RFC3: variants seen among roughly 807,000 people sequenced by gnomAD.
RFC3 encodes the protein A1 38 kDa subunit.
A neutral mutation model predicts 45.1 loss-of-function variants in RFC3; 41 were observed. The ratio of observed to expected loss-of-function variants is 0.91; its 90% confidence interval spans 0.71 to 1.18. The LOEUF is 1.18. RFC3 is among the 50% of genes most tolerant of loss of function. The probability of loss-of-function intolerance (pLI) is 0.00; values close to 1 mark genes in which losing one functional copy is unlikely to be tolerated. For synonymous variants in RFC3, 149 were observed against 144.0 expected (o/e 1.03, Z -0.25); for missense variants, 423 against 428.1 (o/e 0.99, Z 0.10).
intron 8 of RFC3, among the ~76,000 whole-genome samples, chr13:33,909,514 C>T (rs1371938977): frequency 2.0e-5 from 3 of 151,990 alleles, no homozygotes; most frequent in African/African-American, 7.2e-5. Context: ...TTTCTCACTC[C>T]TTGTCTTATT....
intron 8 of RFC3, chr13:33,849,661 GAGGTAA>G (rs2082263502): frequency 6.6e-6 from 1 of 152,136 alleles, no homozygotes; most frequent in Non-Finnish European, 1.5e-5. Flanking sequence ...CAGATCAGTT[GAGGTAA>G]GGAGTTTGAG....
downstream of RFC3, among the ~76,000 whole-genome samples, chr13:33,971,237 G>A (rs1380906820): frequency 1.3e-5 from 2 of 152,110 alleles, no homozygotes; most frequent in East Asian, 3.8e-4. Context: ...TTCAGAATTG[G>A]AACCATTATC....
At chr13:33,913,035 A>T (rs1446687292) in intron 8 of RFC3, among the ~76,000 whole-genome samples, 1 of 152,120 alleles carries the variant, frequency 6.6e-6, no homozygotes, top group Non-Finnish European at 1.5e-5. Context: ...GCCTGAGGAT[A>T]TAAAGAGGAT....
intron 8 of RFC3, among the ~76,000 whole-genome samples, chr13:33,932,860 A>G (rs1305883617): frequency 6.6e-6 from 1 of 152,188 alleles, no homozygotes; most frequent in Admixed American, 6.5e-5. Flanking sequence ...TTGTGACAAC[A>G]ACGACTGGCT....
At chr13:33,941,701 A>G (rs2082925138) in intron 8 of RFC3, among the ~76,000 whole-genome samples, 1 of 151,652 alleles carries the variant, frequency 6.6e-6, no homozygotes, top group Non-Finnish European at 1.5e-5. Flanking sequence ...AACAGTTTGC[A>G]ATTATGTGAC....
chr13:33,959,984 G>A (rs1341518669), intron 8 of RFC3, among the ~76,000 whole-genome samples: 1 of 152,108 alleles, frequency 6.6e-6, no homozygotes, highest in Admixed American at 6.5e-5. Flanking sequence ...AGTGAAAGCA[G>A]GAGCAAGAGA....
intron 8 of RFC3, among the ~76,000 whole-genome samples, chr13:33,896,815 C>A (rs1471843775): frequency 6.8e-6 from 1 of 147,650 alleles, no homozygotes; most frequent in Non-Finnish European, 1.5e-5. Flanking sequence ...ACTATATAGG[C>A]CAACAGGGAG....
At chr13:33,894,895 A>G (rs545081554) in intron 8 of RFC3, among the ~76,000 whole-genome samples, 20 of 152,316 alleles carry the variant, frequency 1.3e-4, no homozygotes, top group African/African-American at 4.6e-4. Flanking sequence ...TTAAAAAAAC[A>G]TAAATGGGGG....
At chr13:33,835,502 G>A in intron 8 of RFC3, 1 of 592,230 alleles carries the variant, frequency 1.7e-6, no homozygotes, top group East Asian at 3.8e-5. Context: ...GAAATACCAA[G>A]GTGCAGGGAT....
At chr13:33,819,591 C>T (rs1339769378) in intron 1 of RFC3, among the ~76,000 whole-genome samples, 1 of 152,048 alleles carries the variant, frequency 6.6e-6, no homozygotes, top group Non-Finnish European at 1.5e-5. Flanking sequence ...ATTGATACTG[C>T]ATGTATACTA....
intron 8 of RFC3, among the ~76,000 whole-genome samples, chr13:33,921,485 T>G (rs2082768783): frequency 6.6e-6 from 1 of 152,164 alleles, no homozygotes; most frequent in Non-Finnish European, 1.5e-5. Flanking sequence ...GCCTACACGT[T>G]CCTAGGGAAG....
At chr13:33,975,421 A>AT in the RFC3 span, among the ~76,000 whole-genome samples, 1 of 152,178 alleles carries the variant, frequency 6.6e-6, no homozygotes, top group Non-Finnish European at 1.5e-5. Flanking sequence ...AGCATAAAGA[A>AT]TTTTTTTAGA....
At chr13:33,963,265 A>G (rs2083068535) in intron 8 of RFC3, among the ~76,000 whole-genome samples, 1 of 152,190 alleles carries the variant, frequency 6.6e-6, no homozygotes, top group African/African-American at 2.4e-5. Flanking sequence ...TAGAGACAAG[A>G]TAAAAAGATC....
At chr13:33,820,970 A>G (rs1271384087) in intron 1 of RFC3, among the ~76,000 whole-genome samples, 162 bp from the exon 2 acceptor site, 1 of 150,404 alleles carries the variant, frequency 6.6e-6, no homozygotes, top group African/African-American at 2.4e-5. Flanking sequence ...CTACCCATGA[A>G]ACTCCAAGTT....
intron 8 of RFC3, among the ~76,000 whole-genome samples, chr13:33,907,942 C>A (rs1171835847): frequency 6.6e-6 from 1 of 150,866 alleles, no homozygotes; most frequent in East Asian, 1.9e-4. Flanking sequence ...AAAATTCTTT[C>A]TTTTTTTTTC....
intron 8 of RFC3, among the ~76,000 whole-genome samples, chr13:33,948,117 C>T (rs369120382): frequency 4.6e-5 from 7 of 152,286 alleles, no homozygotes; most frequent in African/African-American, 1.4e-4. Context: ...CATCACAGAC[C>T]GAGACCTAAG....
intron 2 of RFC3, 21 bp downstream of exon 2, chr13:33,821,290 C>T: frequency 3.7e-6 from 6 of 1,610,186 alleles, no homozygotes; most frequent in Non-Finnish European, 5.1e-6. Flanking sequence ...CACTTTGAGG[C>T]CCTGAAAGTA....
At chr13:33,823,674 T>C (rs2082023755) in intron 2 of RFC3, among the ~76,000 whole-genome samples, 3 of 152,120 alleles carry the variant, frequency 2.0e-5, no homozygotes, top group South Asian at 4.1e-4. Context: ...GGTTTGGGGA[T>C]TTCTGGAGAT....
intron 8 of RFC3, among the ~76,000 whole-genome samples, chr13:33,956,895 T>G (rs1237629636): frequency 6.6e-6 from 1 of 152,230 alleles, no homozygotes; most frequent in Non-Finnish European, 1.5e-5. Flanking sequence ...TTCCTTTCCT[T>G]CTGTCTATAT....
Sources: gnomAD v4.1 joint callset for allele counts (sites outside exome capture counted in the v4.1 genomes callset) on GRCh38, gnomAD v4.1.1 for gene constraint, MANE v1.5 for transcripts, NCBI Gene and HGNC (gene_info 2026-07-23, HGNC 2026-07-21) for gene names.